STARD13: variants seen among roughly 807,000 people sequenced by gnomAD.
The protein encoded by STARD13 is stAR-related lipid transfer protein 13.
In STARD13, 62 loss-of-function variants were observed where a neutral mutation model predicts 106.4. That is an observed-to-expected ratio of 0.58 (90% CI 0.48 to 0.72). The LOEUF (loss-of-function observed/expected upper bound fraction) is 0.72. Among genes scored for constraint, STARD13 ranks in the 30% least tolerant of loss-of-function variants. STARD13 has a pLI of 0.00. For missense variants in STARD13, 1,387 were observed against 1,424.0 expected, an observed-to-expected ratio of 0.97 and a Z score of 0.42; for synonymous variants, 565 against 553.0, an observed-to-expected ratio of 1.02 and a Z score of -0.31.
At chr13:33,456,869 C>A in the STARD13 span, among the ~76,000 whole-genome samples, 2 of 152,188 alleles carry the variant, frequency 1.3e-5, no homozygotes, top group African/African-American at 2.4e-5. Flanking sequence ...ATGAGGGAAA[C>A]AATTCCATTT....
intron 1 of STARD13, among the ~76,000 whole-genome samples, chr13:33,231,066 C>T (rs1286243702): frequency 6.6e-6 from 1 of 152,156 alleles, no homozygotes; most frequent in Non-Finnish European, 1.5e-5. Context: ...ACCTACCATC[C>T]CAGTTTTAAA....
At chr13:33,504,441 T>C in the STARD13 span, among the ~76,000 whole-genome samples, 1 of 152,066 alleles carries the variant, frequency 6.6e-6, no homozygotes, top group African/African-American at 2.4e-5. Flanking sequence ...AAGGATGAGT[T>C]CATGTCCTTT....
the STARD13 span, among the ~76,000 whole-genome samples, chr13:33,644,025 T>A: frequency 1.3e-5 from 2 of 152,220 alleles, no homozygotes; most frequent in Non-Finnish European, 2.9e-5. Flanking sequence ...GTTTTGAGGA[T>A]TTAACTAAAA....
At chr13:33,279,368 T>C (rs1891639320) in intron 1 of STARD13, 1 of 152,180 alleles carries the variant, frequency 6.6e-6, no homozygotes, top group African/African-American at 2.4e-5. Context: ...GAGTTGACCA[T>C]TGTCCAAAAT....
chr13:33,408,979 C>T, the STARD13 span, among the ~76,000 whole-genome samples: 3 of 151,766 alleles, frequency 2.0e-5, no homozygotes, highest in African/African-American at 7.3e-5. Context: ...AGCAACCAGC[C>T]CTCTCACTTT....
the STARD13 span, among the ~76,000 whole-genome samples, chr13:33,437,937 G>A: frequency 6.6e-6 from 1 of 152,116 alleles, no homozygotes; most frequent in African/African-American, 2.4e-5. Context: ...GGCTGTAGTA[G>A]ACCGAACTCT....
intron 1 of STARD13, among the ~76,000 whole-genome samples, chr13:33,292,981 C>T (rs776957440): frequency 1.4e-4 from 21 of 152,154 alleles, no homozygotes; most frequent in Non-Finnish European, 2.8e-4. Flanking sequence ...CGTTAGCCTC[C>T]TCCACGTTGC....
chr13:33,585,978 T>C, the STARD13 span, among the ~76,000 whole-genome samples: 3 of 152,118 alleles, frequency 2.0e-5, no homozygotes, highest in Non-Finnish European at 4.4e-5. Context: ...GAAGTTTTAG[T>C]ATGGGCAGAT....
At chr13:33,293,399 T>C (rs1892365510) in intron 1 of STARD13, among the ~76,000 whole-genome samples, 1 of 152,192 alleles carries the variant, frequency 6.6e-6, no homozygotes, top group Non-Finnish European at 1.5e-5. Flanking sequence ...AGATAAAATT[T>C]AGGATGTCTA....
At chr13:33,303,349 C>G (rs1892790516) in intron 1 of STARD13, among the ~76,000 whole-genome samples, 1 of 152,170 alleles carries the variant, frequency 6.6e-6, no homozygotes, top group African/African-American at 2.4e-5. Context: ...TGTGGTATAT[C>G]AGAAAGACCA....
chr13:33,316,047 T>C (rs553816857), intron 1 of STARD13, among the ~76,000 whole-genome samples: 3 of 152,340 alleles, frequency 2.0e-5, no homozygotes, highest in East Asian at 1.9e-4. Context: ...TGAGCTCTGA[T>C]AATAAAATGG....
At chr13:33,242,629 C>T (rs1030321944) in intron 1 of STARD13, among the ~76,000 whole-genome samples, 4 of 152,094 alleles carry the variant, frequency 2.6e-5, no homozygotes, top group Admixed American at 1.3e-4. Context: ...CGGCAGGGCC[C>T]TCTGCCTAGG....
At chr13:33,670,471 T>G in the STARD13 span, among the ~76,000 whole-genome samples, 1 of 152,202 alleles carries the variant, frequency 6.6e-6, no homozygotes, top group South Asian at 2.1e-4. Context: ...CAAGTACAAA[T>G]TCTTCCAATG....
the STARD13 span, among the ~76,000 whole-genome samples, chr13:33,503,689 G>T: frequency 1.3e-5 from 2 of 152,312 alleles, no homozygotes; most frequent in South Asian, 2.1e-4. Context: ...TAGTTGAGCG[G>T]TTTTAAGTGA....
intron 3 of STARD13, chr13:33,155,374 A>T (rs753505592): frequency 2.0e-5 from 3 of 152,254 alleles, no homozygotes; most frequent in Non-Finnish European, 2.9e-5. Context: ...AGCTTAGCAC[A>T]CAACTTCATG....
intron 1 of STARD13, chr13:33,279,930 C>G (rs1448288002): frequency 6.6e-6 from 1 of 151,924 alleles, no homozygotes; most frequent in African/African-American, 2.4e-5. Flanking sequence ...TAGAAAGAGG[C>G]TCTGATTCAT....
chr13:33,306,314 A>T (rs376041541), intron 1 of STARD13, among the ~76,000 whole-genome samples: 4 of 152,238 alleles, frequency 2.6e-5, no homozygotes, highest in African/African-American at 9.6e-5. Flanking sequence ...TATATCTTAT[A>T]CAAAAATTAA....
chr13:33,574,547 G>A, the STARD13 span, among the ~76,000 whole-genome samples: 7 of 152,042 alleles, frequency 4.6e-5, no homozygotes, highest in East Asian at 1.9e-4. Context: ...ACCAGCCTGC[G>A]GTACATACTG....
the STARD13 span, among the ~76,000 whole-genome samples, chr13:33,359,778 C>T: frequency 3.0e-3 from 464 of 152,234 alleles, 2 homozygotes; most frequent in Non-Finnish European, 5.2e-3. Context: ...GCTATTTCCC[C>T]ACTAGTTTGT....
Sources: gnomAD v4.1 joint callset for allele counts (sites outside exome capture counted in the v4.1 genomes callset) on GRCh38, gnomAD v4.1.1 for gene constraint, MANE v1.5 for transcripts, NCBI Gene and HGNC (gene_info 2026-07-23, HGNC 2026-07-21) for gene names.